The following SLC16A10 variants were observed in gnomAD, a reference collection of about 807,000 sequenced individuals.
SLC16A10 encodes monocarboxylate transporter 10.
A neutral mutation model predicts 40.0 loss-of-function variants in SLC16A10; 27 were observed. The observed-to-expected ratio is 0.67, with a 90% CI of 0.50 to 0.93. The LOEUF (loss-of-function observed/expected upper bound fraction) is 0.93, where lower values mean the gene tolerates loss of function less well. SLC16A10 is among the 40% of genes least tolerant of loss of function. The pLI, the probability that SLC16A10 is intolerant of heterozygous loss-of-function variation, is 0.00. For synonymous variants in SLC16A10, 213 were observed against 249.8 expected, an observed-to-expected ratio of 0.85 and a Z score of 1.39; for missense variants, 529 against 658.2, an observed-to-expected ratio of 0.80 and a Z score of 2.15.
intron 1 of SLC16A10, among the ~76,000 whole-genome samples, chr6:111,159,945 A>G (rs888324305): frequency 6.6e-6 from 1 of 151,958 alleles, no homozygotes; most frequent in African/African-American, 2.4e-5. Flanking sequence ...GTAAAGTTCA[A>G]ATTTTTTGCC....
chr6:111,158,390 A>G (rs1340621958), intron 1 of SLC16A10, among the ~76,000 whole-genome samples: 2 of 152,142 alleles, frequency 1.3e-5, no homozygotes, highest in Non-Finnish European at 2.9e-5. Context: ...TTTTTGACAA[A>G]TTGGAGGGGG....
In SLC16A10 at chr6:111,228,003, A is replaced by C. The variant is rs1397071508; in HGVS notation, c.*5768A>C. The C allele has an allele frequency of 2.0e-5, 3 of 152,216 alleles. No homozygotes were observed. Among genetic ancestry groups the C allele is most frequent in the Non-Finnish European group, 4.4e-5 (3 of 68,040 alleles). The allele number at this position is 152,216 out of a possible 1,614,324, so 9.4% of individuals were successfully genotyped here. ...AAAATTTCTTAAGTGCTTTGTTCTG[A>C]TAAACGGATGTAAAAGTAACAAAAA... On this transcript the variant is annotated 3_prime_UTR_variant, in exon 6 of 6. Transcript: ENST00000368851.
chr6:111,138,175 A>G (rs983683135), intron 1 of SLC16A10, among the ~76,000 whole-genome samples: 1 of 152,202 alleles, frequency 6.6e-6, no homozygotes, highest in Non-Finnish European at 1.5e-5. Flanking sequence ...TTTTCTAATT[A>G]TAAAAGTCCT....
chr6:111,209,530 A>T (rs772931071), intron 4 of SLC16A10, among the ~76,000 whole-genome samples: 7 of 152,048 alleles, frequency 4.6e-5, no homozygotes, highest in Non-Finnish European at 8.8e-5. Context: ...TGTTTTTGCC[A>T]TGTTGTTTGT....
At chr6:111,176,075 G>A (rs1772679980) in intron 2 of SLC16A10, among the ~76,000 whole-genome samples, 1 of 152,130 alleles carries the variant, frequency 6.6e-6, no homozygotes, top group Non-Finnish European at 1.5e-5. Flanking sequence ...AACAAAGAGT[G>A]GAGATTCAGT....
Position 111,088,074 on chromosome 6 carries a change from GACA to G in SLC16A10, c.324_326del (p.Asp108_Lys109delinsGlu). 6.2e-7 allele frequency: 1 copy of G among 1,607,300 alleles called. No individual in the cohort carries two copies. Among genetic ancestry groups the G allele is most frequent in the Non-Finnish European group, 8.5e-7 (1 of 1,177,174 alleles). On this transcript the variant is annotated inframe_deletion, in exon 1 of 6. Transcript: ENST00000368851. ...GGAAACCTTCGGCTCCAAAGACGATGACAAGATGGTCTTTAAGACAGGTGAGGC... is the reference window on the plus strand; with the variant it reads ...GGAAACCTTCGGCTCCAAAGACGATGAGATGGTCTTTAAGACAGGTGAGGC...
chr6:111,182,823 C>A (rs1472590916), intron 3 of SLC16A10, among the ~76,000 whole-genome samples: 1 of 152,136 alleles, frequency 6.6e-6, no homozygotes, highest in Non-Finnish European at 1.5e-5. Context: ...TTCTTTCTTG[C>A]ACACCATAGT....
At chr6:111,110,268 G>T (rs973826904) in intron 1 of SLC16A10, among the ~76,000 whole-genome samples, 1 of 152,088 alleles carries the variant, frequency 6.6e-6, no homozygotes, top group Admixed American at 6.6e-5. Flanking sequence ...AGGGGTACAG[G>T]CTAAGAAGGG....
At chr6:111,164,581 G>A (rs1562418884) in intron 1 of SLC16A10, among the ~76,000 whole-genome samples, 3 of 152,076 alleles carry the variant, frequency 2.0e-5, no homozygotes, top group East Asian at 3.9e-4. Context: ...CTAACATGGT[G>A]AAAATCCGTC....
chr6:111,113,641 C>T (rs1030763604), intron 1 of SLC16A10, among the ~76,000 whole-genome samples: 35 of 152,082 alleles, frequency 2.3e-4, no homozygotes, highest in African/African-American at 8.2e-4. Context: ...CATGCACGCA[C>T]TTGTGTGTTT....
At chr6:111,170,301 T>C (rs1772561170) in intron 1 of SLC16A10, among the ~76,000 whole-genome samples, 1 of 152,224 alleles carries the variant, frequency 6.6e-6, no homozygotes, top group East Asian at 1.9e-4. Context: ...TGATGTGGTC[T>C]AATATTTAGT....
At position 111,088,130 on chromosome 6, in the gene SLC16A10, G is replaced by T. The variant is rs201665705; in HGVS notation, c.343+35G>T. The stretch of plus-strand genomic sequence containing the variant: ...GGCGCCCGCCGAGGCCAGCCTGGGC[G>T]ACCCGCGTGGGGCCCCCGAGCGCAT... On this transcript the variant is annotated intron_variant, in intron 1 of 5. Coordinates refer to ENST00000368851, the MANE Select transcript of SLC16A10 (RefSeq NM_018593.5). 5.9e-4 allele frequency: 936 copies of T among 1,580,008 alleles called. 4 individuals carry two copies. In the African/African-American group the frequency reaches 0.011, roughly 19 times the overall value.
intron 3 of SLC16A10, among the ~76,000 whole-genome samples, chr6:111,191,694 AT>A (rs2114566219): frequency 6.6e-6 from 1 of 152,224 alleles, no homozygotes; most frequent in Non-Finnish European, 1.5e-5. Flanking sequence ...GTTTCCTGAC[AT>A]TTTAATGATT....
chr6:111,103,366 C>G (rs573223974), intron 1 of SLC16A10, among the ~76,000 whole-genome samples: 1 of 152,060 alleles, frequency 6.6e-6, no homozygotes, highest in Admixed American at 6.6e-5. Context: ...TACAGACACA[C>G]GCCACTATAC....
chr6:111,131,415 C>T (rs968524530), intron 1 of SLC16A10, among the ~76,000 whole-genome samples: 9 of 152,164 alleles, frequency 5.9e-5, no homozygotes, highest in African/African-American at 1.7e-4. Flanking sequence ...AGAGGCTTGC[C>T]GCCATCTTGG....
chr6:111,154,340 A>G (rs879827430), intron 1 of SLC16A10, among the ~76,000 whole-genome samples: 2 of 152,246 alleles, frequency 1.3e-5, no homozygotes, highest in Non-Finnish European at 2.9e-5. Flanking sequence ...GGATAGGAGT[A>G]GAAAATAAAA....
intron 1 of SLC16A10, among the ~76,000 whole-genome samples, chr6:111,103,184 G>A (rs1413493030): frequency 6.6e-6 from 1 of 151,736 alleles, no homozygotes; most frequent in Non-Finnish European, 1.5e-5. Context: ...GAGATTATAG[G>A]TGTGAACCAC....
rs1303378391 is a variant in SLC16A10 at position 111,225,366 on chromosome 6, GA to G, written c.*3134del. ...GCTCAGGAGTTCGCAACCAGCCTGG[GA>G]AACACGGTGAAGCTCCATCTCTACT... On this transcript the variant is annotated 3_prime_UTR_variant, in exon 6 of 6. Coordinates refer to ENST00000368851, the MANE Select transcript of SLC16A10 (RefSeq NM_018593.5). The G allele has an allele frequency of 2.6e-5, 4 of 152,062 alleles. No individual in the cohort carries two copies. The highest frequency in any genetic ancestry group is 2.0e-4 in the Admixed American group (3 of 15,244). The allele number at this position is 152,062 out of a possible 1,614,324, so 9.4% of individuals were successfully genotyped here.
At chr6:111,095,488 TAATAAAG>T (rs1290364227) in intron 1 of SLC16A10, among the ~76,000 whole-genome samples, 1 of 152,234 alleles carries the variant, frequency 6.6e-6, no homozygotes, top group African/African-American at 2.4e-5. Flanking sequence ...CAACCTATTC[TAATAAAG>T]CATTCCGTGA....
Sources: allele counts gnomAD v4.1 joint callset (sites outside exome capture counted in the v4.1 genomes callset), GRCh38; gene constraint gnomAD v4.1.1; transcripts MANE v1.5; gene names NCBI Gene and HGNC (gene_info 2026-07-23, HGNC 2026-07-21).